Variants in IKZF2 observed in about 807,000 individuals in gnomAD.
IKZF2 encodes IKAROS family zinc finger 2.
In IKZF2, 15 loss-of-function variants were observed where a neutral mutation model predicts 49.2. That is an observed-to-expected ratio of 0.30 (90% CI 0.20 to 0.47). IKZF2 has a LOEUF of 0.47. Ranked by LOEUF, IKZF2 falls within the 20% of genes least tolerant of loss-of-function variation. IKZF2 has a pLI of 1.00. For missense variants in IKZF2, 567 were observed against 664.6 expected (o/e 0.85, Z 1.61); for synonymous variants, 227 against 221.4 (o/e 1.03, Z -0.23).
chr2:212,999,818 T>A lies in IKZF2; in HGVS notation c.*7542A>T, dbSNP rs1559140535. On this transcript the variant is annotated 3_prime_UTR_variant, in exon 9 of 9. Coordinates refer to ENST00000434687, the MANE Select transcript of IKZF2 (RefSeq NM_001387220.1). ...CAAATTATATGCTTGTTCCTGAGAT[T>A]CCCTAAATTTATTCCAGTAGCTGTG... 1 of 152,338 alleles carries A rather than the reference T, an allele frequency of 6.6e-6. No individual in the cohort carries two copies. Among genetic ancestry groups the A allele is most frequent in the Non-Finnish European group, 1.5e-5 (1 of 67,880 alleles). 9.4% of individuals were successfully genotyped at this position (152,338 alleles called of 1,614,324 possible).
intron 6 of IKZF2, among the ~76,000 whole-genome samples, chr2:213,037,317 A>T (rs1384755931): frequency 6.6e-6 from 1 of 152,272 alleles, no homozygotes; most frequent in Non-Finnish European, 1.5e-5. Flanking sequence ...GCATAGAATT[A>T]TAAAAGAAAG....
chr2:213,079,111 T>C (rs1255299692), intron 4 of IKZF2, among the ~76,000 whole-genome samples: 1 of 152,114 alleles, frequency 6.6e-6, no homozygotes. Context: ...TGGTTGGGTG[T>C]CATGGCTCAT....
At chr2:213,078,331 C>T (rs1368298461) in intron 4 of IKZF2, among the ~76,000 whole-genome samples, 2 of 152,138 alleles carry the variant, frequency 1.3e-5, no homozygotes, top group African/African-American at 4.8e-5. Flanking sequence ...CAATTCACAG[C>T]AACAATTACT....
At chr2:213,052,348 T>C (rs1297836152) in intron 5 of IKZF2, among the ~76,000 whole-genome samples, 1 of 152,032 alleles carries the variant, frequency 6.6e-6, no homozygotes, top group Non-Finnish European at 1.5e-5. Context: ...TAAATAGTTT[T>C]CTTCCTTTTT....
intron 4 of IKZF2, among the ~76,000 whole-genome samples, chr2:213,095,636 A>G (rs938231785): frequency 2.0e-5 from 3 of 152,098 alleles, no homozygotes; most frequent in African/African-American, 7.2e-5. Context: ...ATGTTTTTGT[A>G]AAAATATGTC....
chr2:213,028,867 A>G (rs1698107584), intron 6 of IKZF2, among the ~76,000 whole-genome samples: 1 of 152,102 alleles, frequency 6.6e-6, no homozygotes, highest in African/African-American at 2.4e-5. Flanking sequence ...GAGAATTTTT[A>G]TAATATGTGA....
chr2:213,104,914 T>C (rs1446219959), intron 4 of IKZF2, among the ~76,000 whole-genome samples: 1 of 152,122 alleles, frequency 6.6e-6, no homozygotes, highest in African/African-American at 2.4e-5. Context: ...TTCACATATA[T>C]GAACAGATTT....
intron 5 of IKZF2, among the ~76,000 whole-genome samples, chr2:213,051,598 C>T (rs1348618275): frequency 6.6e-6 from 1 of 151,816 alleles, no homozygotes; most frequent in African/African-American, 2.4e-5. Context: ...CTTTTACACA[C>T]AATATACAAC....
intron 4 of IKZF2, among the ~76,000 whole-genome samples, chr2:213,091,913 T>C (rs962624152): frequency 3.3e-5 from 5 of 151,954 alleles, no homozygotes; most frequent in African/African-American, 1.2e-4. Context: ...TGTGTGTGTG[T>C]GTATGTGTGT....
At chr2:213,041,342 G>T (rs571060453) in intron 6 of IKZF2, among the ~76,000 whole-genome samples, 6 of 150,908 alleles carry the variant, frequency 4.0e-5, no homozygotes, top group East Asian at 3.9e-4. Context: ...CTTTTTTTGG[G>T]GGGGGTGGGA....
intron 4 of IKZF2, among the ~76,000 whole-genome samples, chr2:213,066,349 G>C (rs958408013): frequency 1.3e-5 from 2 of 152,066 alleles, no homozygotes; most frequent in Non-Finnish European, 2.9e-5. Context: ...AGCCAAAGCA[G>C]TGCAACACAC....
chr2:213,090,437 C>A (rs1705176028), intron 4 of IKZF2, among the ~76,000 whole-genome samples: 1 of 152,126 alleles, frequency 6.6e-6, no homozygotes, highest in Non-Finnish European at 1.5e-5. Context: ...CAAACATGGT[C>A]TTTTCTGTCA....
chr2:213,028,839 C>A (rs961663792), intron 6 of IKZF2, among the ~76,000 whole-genome samples: 3 of 152,078 alleles, frequency 2.0e-5, no homozygotes, highest in Non-Finnish European at 2.9e-5. Flanking sequence ...TGAGGAAGTT[C>A]TTTTCTACTC....
chr2:213,035,849 C>T (rs1419734554), intron 6 of IKZF2, among the ~76,000 whole-genome samples: 1 of 152,162 alleles, frequency 6.6e-6, no homozygotes, highest in Non-Finnish European at 1.5e-5. Flanking sequence ...TTTAAAGTAA[C>T]ATTCTGGTTG....
intron 6 of IKZF2, among the ~76,000 whole-genome samples, chr2:213,035,679 T>G (rs1001595800): frequency 1.3e-5 from 2 of 152,158 alleles, no homozygotes; most frequent in Admixed American, 1.3e-4. Context: ...AAACCTCGGG[T>G]TGCAAAGAAC....
intron 4 of IKZF2, among the ~76,000 whole-genome samples, chr2:213,075,121 T>A (rs1703114650): frequency 6.6e-6 from 1 of 152,150 alleles, no homozygotes; most frequent in Admixed American, 6.5e-5. Flanking sequence ...TCAGTTAAAG[T>A]TTTGTTCTGT....
At chr2:213,100,461 T>C (rs1356570061) in intron 4 of IKZF2, among the ~76,000 whole-genome samples, 1 of 152,048 alleles carries the variant, frequency 6.6e-6, no homozygotes, top group Non-Finnish European at 1.5e-5. Flanking sequence ...TGAATCTCAA[T>C]TCAAACTAGG....
intron 4 of IKZF2, among the ~76,000 whole-genome samples, chr2:213,132,309 TA>T (rs781307296): frequency 1.6e-4 from 23 of 144,010 alleles, no homozygotes; most frequent in Non-Finnish European, 2.9e-4. Flanking sequence ...TAGGAGGTGA[TA>T]AAGGCATCCA....
At chr2:213,086,096 T>C (rs1416563963) in intron 4 of IKZF2, among the ~76,000 whole-genome samples, 1 of 152,182 alleles carries the variant, frequency 6.6e-6, no homozygotes, top group Non-Finnish European at 1.5e-5. Flanking sequence ...ATAGGAATCA[T>C]TACTCCACTA....
Sources: allele counts gnomAD v4.1 joint callset (sites outside exome capture counted in the v4.1 genomes callset), GRCh38; gene constraint gnomAD v4.1.1; transcripts MANE v1.5; gene names NCBI Gene and HGNC (gene_info 2026-07-23, HGNC 2026-07-21).